KITLG: variants seen among roughly 807,000 people sequenced by gnomAD.
KITLG encodes the protein c-Kit ligand.
Under a neutral mutation model 34.1 loss-of-function variants are expected in KITLG, and 13 were observed. That is an observed-to-expected ratio of 0.38 (90% CI 0.25 to 0.61). KITLG has a LOEUF of 0.61. Ranked by LOEUF, KITLG falls within the 20% of genes least tolerant of loss-of-function variation. The pLI is 0.60. For synonymous variants in KITLG, 110 were observed against 104.0 expected (o/e 1.06, Z -0.35); for missense variants, 292 against 318.9 (o/e 0.92, Z 0.64).
intron 2 of KITLG, among the ~76,000 whole-genome samples, chr12:88,536,274 G>A (rs1263687134): frequency 1.3e-5 from 2 of 151,964 alleles, no homozygotes; most frequent in Non-Finnish European, 2.9e-5. Flanking sequence ...GATATGCAAG[G>A]GGCCAAGAAA....
At chr12:88,558,882 T>G (rs1210073093) in intron 1 of KITLG, among the ~76,000 whole-genome samples, 1 of 152,172 alleles carries the variant, frequency 6.6e-6, no homozygotes, top group Non-Finnish European at 1.5e-5. Context: ...CAACGTTGTA[T>G]TTGATTGAAG....
At chr12:88,578,424 C>A (rs1003654725) in intron 1 of KITLG, among the ~76,000 whole-genome samples, 5 of 152,188 alleles carry the variant, frequency 3.3e-5, no homozygotes, top group African/African-American at 4.8e-5. Context: ...ATCTAAAATA[C>A]TTAGCTTTCT....
At chr12:88,577,082 C>T (rs187078104) in intron 1 of KITLG, among the ~76,000 whole-genome samples, 8 of 152,242 alleles carry the variant, frequency 5.3e-5, no homozygotes, top group Non-Finnish European at 1.0e-4. Flanking sequence ...TTAAAAGCTA[C>T]ATAAATTGGA....
At chr12:88,522,379 G>A (rs557130514) in intron 3 of KITLG, among the ~76,000 whole-genome samples, 349 of 150,860 alleles carry the variant, frequency 2.3e-3, no homozygotes, top group Non-Finnish European at 3.8e-3. Context: ...GGTTTATTAG[G>A]TGAAATAATT....
chr12:88,494,317 C>A lies in KITLG; in HGVS notation c.*2902G>T, dbSNP rs976163408. The A allele has an allele frequency of 6.6e-6, 1 of 151,862 alleles. No individual in the cohort carries two copies. The highest frequency in any genetic ancestry group is 2.4e-5 in the African/African-American group (1 of 41,396). The allele number at this position is 151,862 out of a possible 1,614,324, so 9.4% of individuals were successfully genotyped here. On this transcript the variant is annotated 3_prime_UTR_variant, in exon 10 of 10. Transcript: ENST00000644744. Reference sequence around the variant, plus strand: ...GGCTGCAGTAAAATATTTTTAAAATCCATGATTTCTGAATGAGTTTTTCTC... The same window carrying A: ...GGCTGCAGTAAAATATTTTTAAAATACATGATTTCTGAATGAGTTTTTCTC...
chr12:88,524,920 T>A (rs1225956642), intron 3 of KITLG, among the ~76,000 whole-genome samples: 1 of 152,152 alleles, frequency 6.6e-6, no homozygotes, highest in South Asian at 2.1e-4. Context: ...GAATGCCGCA[T>A]CATAGGAGTG....
intron 9 of KITLG, among the ~76,000 whole-genome samples, chr12:88,503,885 A>T (rs902728630): frequency 6.6e-6 from 1 of 152,040 alleles, no homozygotes; most frequent in Non-Finnish European, 1.5e-5. Flanking sequence ...AGATATTTGG[A>T]TGTTTTCTCT....
At chr12:88,553,552 C>A (rs184242122) in intron 1 of KITLG, among the ~76,000 whole-genome samples, 27 of 152,102 alleles carry the variant, frequency 1.8e-4, no homozygotes, top group Admixed American at 3.9e-4. Flanking sequence ...TGTGATAACC[C>A]CTCATTTCTG....
At chr12:88,541,329 G>A (rs1446517410) in intron 2 of KITLG, among the ~76,000 whole-genome samples, 2 of 151,996 alleles carry the variant, frequency 1.3e-5, no homozygotes, top group East Asian at 1.9e-4. Flanking sequence ...TCACCTTTAC[G>A]AGATGGAGAT....
rs183924903 is a variant in KITLG at position 88,507,004 on chromosome 12, A to T, written c.714+24T>A. ...ATTTATGTAAACATAGCATATTTTT[A>T]AAAAAAGGAATGGTACCACTTACCT... is the stretch of plus-strand genomic sequence containing the variant. On this transcript the variant is annotated intron_variant, in intron 7 of 9. Coordinates refer to ENST00000644744, the MANE Select transcript of KITLG (RefSeq NM_000899.5). 1,807 of 1,229,410 alleles carry T rather than the reference A, an allele frequency of 1.5e-3. 5 individuals carry two copies. The highest frequency in any genetic ancestry group is 1.3e-3 in the Non-Finnish European group (1,052 of 829,358). The allele number at this position is 1,229,410 out of a possible 1,614,324, so 76.2% of individuals were successfully genotyped here.
intron 1 of KITLG, among the ~76,000 whole-genome samples, chr12:88,558,403 TATC>T (rs1871173063): frequency 6.6e-6 from 1 of 151,950 alleles, no homozygotes; most frequent in South Asian, 2.1e-4. Context: ...TGCTTCCAAA[TATC>T]ATCAAAATGA....
chr12:88,558,652 A>G (rs1192579184), intron 1 of KITLG, among the ~76,000 whole-genome samples: 3 of 152,314 alleles, frequency 2.0e-5, no homozygotes, highest in Middle Eastern at 6.8e-3. Context: ...TGTTTAGATG[A>G]AAGTGTAATC....
chr12:88,531,168 A>G (rs1189095296), intron 3 of KITLG, among the ~76,000 whole-genome samples: 1 of 152,212 alleles, frequency 6.6e-6, no homozygotes, highest in African/African-American at 2.4e-5. Flanking sequence ...TAAATATTCA[A>G]AAAGTTCCAT....
Position 88,575,614 on chromosome 12 carries a change from G to A in KITLG, c.15+4650C>T, listed in dbSNP as rs564170690. 3.9e-5 allele frequency among the ~76,000 whole-genome samples: 6 copies of A among 152,254 alleles called. No homozygotes were observed. In the East Asian group the frequency reaches 1.2e-3, roughly 29 times the overall value. On this transcript the variant is annotated intron_variant, in intron 1 of 9. Coordinates refer to ENST00000644744, the MANE Select transcript of KITLG (RefSeq NM_000899.5). ...AACAGAGCCTATACAAAACAACCCT[G>A]AAAGCAGCATATATTATAAAAATAT...
chr12:88,561,876 C>T (rs1871308700), intron 1 of KITLG, among the ~76,000 whole-genome samples: 1 of 152,196 alleles, frequency 6.6e-6, no homozygotes, highest in Non-Finnish European at 1.5e-5. Flanking sequence ...AAGTTGTTCT[C>T]ATCATTCAGG....
chr12:88,502,383 A>G (rs1015947096), intron 9 of KITLG, among the ~76,000 whole-genome samples: 4 of 152,174 alleles, frequency 2.6e-5, no homozygotes, highest in Admixed American at 2.0e-4. Context: ...CATTAAATAC[A>G]CACATTCACA....
chr12:88,544,955 C>T (rs1210756989), intron 2 of KITLG, among the ~76,000 whole-genome samples: 1 of 152,152 alleles, frequency 6.6e-6, no homozygotes, highest in Non-Finnish European at 1.5e-5. Context: ...CCTCCGTTCT[C>T]TAGTCAGTAT....
intron 1 of KITLG, among the ~76,000 whole-genome samples, chr12:88,560,892 T>C (rs1026353150): frequency 1.5e-5 from 2 of 136,888 alleles, no homozygotes; most frequent in African/African-American, 5.6e-5. Context: ...CGCTTGAACC[T>C]GGGAGGCGGA....
intron 1 of KITLG, among the ~76,000 whole-genome samples, chr12:88,577,517 G>A (rs547864444): frequency 6.6e-6 from 1 of 152,150 alleles, no homozygotes; most frequent in East Asian, 1.9e-4. Flanking sequence ...TATCCAATAT[G>A]GTGTATCAGA....
Sources: allele counts gnomAD v4.1 joint callset (sites outside exome capture counted in the v4.1 genomes callset), GRCh38; gene constraint gnomAD v4.1.1; transcripts MANE v1.5; gene names NCBI Gene and HGNC (gene_info 2026-07-23, HGNC 2026-07-21).